The following CENPU variants were observed in gnomAD, a reference collection of about 807,000 sequenced individuals.
CENPU encodes the protein KSHV latent nuclear antigen interacting protein 1.
In CENPU, 46 loss-of-function variants were observed where a neutral mutation model predicts 56.7. That is an observed-to-expected ratio of 0.81 (90% CI 0.64 to 1.04). The LOEUF is 1.04. Among genes scored for constraint, CENPU ranks in the 50% least tolerant of loss-of-function variants. CENPU has a pLI of 0.00. For synonymous variants in CENPU, 166 were observed against 163.0 expected (o/e 1.02, Z -0.14); for missense variants, 510 against 490.1 (o/e 1.04, Z -0.38).
chr4:184,706,150 T>TAA (rs144354250), intron 8 of CENPU, among the ~76,000 whole-genome samples: 8,434 of 151,928 alleles, frequency 0.056, 744 homozygotes, highest in African/African-American at 0.19. Context: ...AGCCCCACTT[T>TAA]AAAAAAAAGA....
intron 8 of CENPU, among the ~76,000 whole-genome samples, chr4:184,703,816 A>G (rs1760627076): frequency 6.6e-6 from 1 of 152,238 alleles, no homozygotes; most frequent in Non-Finnish European, 1.5e-5. Flanking sequence ...TCATGACCAC[A>G]TAACAATGTC....
At chr4:184,699,668 C>CTATT in intron 11 of CENPU, 2 of 1,084,636 alleles carry the variant, frequency 1.8e-6, no homozygotes, top group Non-Finnish European at 2.4e-6. Flanking sequence ...GGCAGTCTCT[C>CTATT]TTTTTTTTTT....
intron 8 of CENPU, among the ~76,000 whole-genome samples, chr4:184,706,737 A>T (rs552378028): frequency 1.3e-5 from 2 of 152,380 alleles, no homozygotes; most frequent in South Asian, 4.1e-4. Context: ...TCAAGGAAAC[A>T]AAATGAGATC....
At chr4:184,696,680 T>C (rs1393402727) in intron 12 of CENPU, among the ~76,000 whole-genome samples, 1 of 143,966 alleles carries the variant, frequency 6.9e-6, no homozygotes, top group African/African-American at 2.7e-5. Context: ...AAAATATGTA[T>C]ACATTACATA....
rs2150190887 is a variant in CENPU, at chr4:184,694,370, G to A, written c.*918C>T. On this transcript the variant is annotated 3_prime_UTR_variant, in exon 13 of 13. Coordinates refer to ENST00000281453, the MANE Select transcript of CENPU (RefSeq NM_024629.4). ...TTTGAATCAGTGCACTCATTCCCAC[G>A]GTGAGATATCGGAGACAGCATTCCT... is the stretch of plus-strand genomic sequence containing the variant. 5 of 1,408,544 alleles carry A rather than the reference G, an allele frequency of 3.5e-6. No individual in the cohort carries two copies. Among genetic ancestry groups the A allele is most frequent in the South Asian group, 1.6e-5 (1 of 60,666 alleles). 87.3% of individuals were successfully genotyped at this position (1,408,544 alleles called of 1,614,324 possible). A position where few individuals can be genotyped will look rare whatever the true frequency, so the allele number is the denominator to read the frequency against.
At position 184,713,048 on chromosome 4, in the gene CENPU, A is replaced by G. The variant is rs1760976989; in HGVS notation, c.619-35T>C. ...AAAAAAGCATTAAGTTTTTAAGAAAAGTTTTCTTTCTCTTAAAACATTAGG... is the reference window on the plus strand; with the variant it reads ...AAAAAAGCATTAAGTTTTTAAGAAAGGTTTTCTTTCTCTTAAAACATTAGG... On this transcript the variant is annotated intron_variant, in intron 6 of 12. Coordinates refer to ENST00000281453, the MANE Select transcript of CENPU (RefSeq NM_024629.4). 5 of 1,385,716 alleles carry G rather than the reference A, an allele frequency of 3.6e-6. No homozygotes were observed. In the African/African-American group the frequency reaches 5.8e-5, roughly 16 times the overall value. The allele number at this position is 1,385,716 out of a possible 1,614,324, so 85.8% of individuals were successfully genotyped here. A position where few individuals can be genotyped will look rare whatever the true frequency, so the allele number is the denominator to read the frequency against.
chr4:184,727,356 G>T (rs7700216), intron 3 of CENPU, among the ~76,000 whole-genome samples: 27,087 of 152,082 alleles, frequency 0.18, 2,713 homozygotes, highest in African/African-American at 0.26. Flanking sequence ...GATGGATGGT[G>T]ATGATGGTTG....
chr4:184,731,511 T>C (rs886580942), intron 1 of CENPU, among the ~76,000 whole-genome samples: 10 of 152,166 alleles, frequency 6.6e-5, no homozygotes, highest in Non-Finnish European at 1.5e-5. Context: ...GTTGTATATA[T>C]ATCTTCAACA....
At chr4:184,698,844 A>G (rs1163541635) in intron 11 of CENPU, among the ~76,000 whole-genome samples, 1 of 152,206 alleles carries the variant, frequency 6.6e-6, no homozygotes, top group Non-Finnish European at 1.5e-5. Context: ...GGAGTCAGTC[A>G]GCTGACAGTG....
Position 184,730,987 on chromosome 4 carries a change from A to C in CENPU, c.48-19T>G, listed in dbSNP as rs748835330. On this transcript the variant is annotated intron_variant, in intron 1 of 12. Coordinates refer to ENST00000281453, the MANE Select transcript of CENPU (RefSeq NM_024629.4). ...TCTTGCGCTATTAAACAGCAAAAAA[A>C]CACAAGAGTTAGGAAATAGTTAAAA... 5.8e-6 allele frequency: 9 copies of C among 1,564,392 alleles called. No individual in the cohort carries two copies. The highest frequency in any genetic ancestry group is 2.0e-5 in the Admixed American group (1 of 49,372).
chr4:184,694,345 T>A lies in CENPU; in HGVS notation c.*943A>T, dbSNP rs535068986. 4.3e-6 allele frequency: 6 copies of A among 1,389,224 alleles called. No homozygotes were observed. In the African/African-American group the frequency reaches 4.3e-5, roughly 10 times the overall value. The allele number at this position is 1,389,224 out of a possible 1,614,324, so 86.1% of individuals were successfully genotyped here. On this transcript the variant is annotated 3_prime_UTR_variant, in exon 13 of 13. Transcript: ENST00000281453. ...GTGTCTGAGCTTCAGTGCAGCAACGTTTGAATCAGTGCACTCATTCCCACG... is the reference window on the plus strand; with the variant it reads ...GTGTCTGAGCTTCAGTGCAGCAACGATTGAATCAGTGCACTCATTCCCACG...
intron 8 of CENPU, among the ~76,000 whole-genome samples, chr4:184,705,735 T>C (rs1307175018): frequency 2.6e-5 from 4 of 152,002 alleles, no homozygotes; most frequent in Non-Finnish European, 5.9e-5. Flanking sequence ...GGATAAACAA[T>C]GAATGGAGGA....
chr4:184,694,854 T>C lies in CENPU; in HGVS notation c.*434A>G. ...CTGTGAGATTTGATAAATATATCATTCAACCTGTTTATATAAACTAAGTTT... is the reference window on the plus strand; with the variant it reads ...CTGTGAGATTTGATAAATATATCATCCAACCTGTTTATATAAACTAAGTTT... On this transcript the variant is annotated 3_prime_UTR_variant, in exon 13 of 13. Transcript: ENST00000281453. The C allele has an allele frequency of 2.0e-5, 25 of 1,270,844 alleles. No individual in the cohort carries two copies. Among genetic ancestry groups the C allele is most frequent in the Non-Finnish European group, 2.7e-5 (24 of 905,560 alleles). 78.7% of individuals were successfully genotyped at this position (1,270,844 alleles called of 1,614,324 possible).
intron 1 of CENPU, 36 bp from the exon 2 acceptor site, chr4:184,731,004 T>C (rs771974304): frequency 1.4e-5 from 20 of 1,461,038 alleles, no homozygotes; most frequent in African/African-American, 2.9e-5. Flanking sequence ...AGTTAGGAAA[T>C]AGTTAAAATA....
intron 3 of CENPU, 58 bp downstream of exon 3, chr4:184,728,860 T>G: frequency 8.2e-7 from 1 of 1,215,084 alleles, no homozygotes; most frequent in South Asian, 1.4e-5. Flanking sequence ...TTTTATTATA[T>G]CTGGCCTAAA....
intron 4 of CENPU, among the ~76,000 whole-genome samples, chr4:184,721,101 T>C (rs1419498845): frequency 6.6e-6 from 1 of 152,076 alleles, no homozygotes; most frequent in Non-Finnish European, 1.5e-5. Flanking sequence ...AACAAAAAGT[T>C]AAAAAGTGGG....
chr4:184,733,338 T>A (rs137933243), intron 1 of CENPU: 1 of 986,482 alleles, frequency 1.0e-6, no homozygotes, highest in African/African-American at 1.7e-5. Flanking sequence ...GGGGAACTCC[T>A]GTTCTCTTCA....
intron 6 of CENPU, among the ~76,000 whole-genome samples, chr4:184,715,803 T>C (rs1159971059): frequency 6.6e-6 from 1 of 152,234 alleles, no homozygotes; most frequent in Non-Finnish European, 1.5e-5. Flanking sequence ...ATAATAAGTA[T>C]ATGATCTCAC....
At chr4:184,699,356 A>AAATAAATAAATAAATAAAAT (rs60530775) in intron 11 of CENPU, among the ~76,000 whole-genome samples, 4 of 151,704 alleles carry the variant, frequency 2.6e-5, no homozygotes, top group African/African-American at 9.7e-5. Flanking sequence ...ATAAATAAAT[A>AAATAAATAAATAAATAAAAT]AAATAAACTT....
Sources: allele counts gnomAD v4.1 joint callset (sites outside exome capture counted in the v4.1 genomes callset), GRCh38; gene constraint gnomAD v4.1.1; transcripts MANE v1.5; gene names NCBI Gene and HGNC (gene_info 2026-07-23, HGNC 2026-07-21).